Variants in CFAP44 observed in about 807,000 individuals in gnomAD.
CFAP44 encodes cilia and flagella associated protein 44.
A neutral mutation model predicts 216.2 loss-of-function variants in CFAP44; 134 were observed. That is an observed-to-expected ratio of 0.62 (90% confidence interval 0.54 to 0.72). The LOEUF is 0.72. Ranked by LOEUF, CFAP44 falls within the 30% of genes least tolerant of loss-of-function variation. The pLI, the probability that CFAP44 is intolerant of heterozygous loss-of-function variation, is 0.00. For synonymous variants in CFAP44, 700 were observed against 727.6 expected (o/e 0.96, Z 0.61); for missense variants, 2,035 against 2,182.1 (o/e 0.93, Z 1.34).
intron 26 of CFAP44, among the ~76,000 whole-genome samples, 179 bp downstream of exon 26, chr3:113,329,989 G>A (rs1162057344): frequency 6.6e-6 from 1 of 152,086 alleles, no homozygotes; most frequent in Non-Finnish European, 1.5e-5. Flanking sequence ...GAAGAGCACA[G>A]TGATTTCCAG....
intron 29 of CFAP44, among the ~76,000 whole-genome samples, chr3:113,307,539 C>T (rs1949997910): frequency 1.3e-5 from 2 of 152,188 alleles, no homozygotes; most frequent in Admixed American, 6.5e-5. Flanking sequence ...GTTTAATTGA[C>T]TTCTTATATT....
intron 3 of CFAP44, chr3:113,426,880 A>G (rs558970897): frequency 9.6e-6 from 3 of 310,986 alleles, no homozygotes; most frequent in East Asian, 8.9e-5. Context: ...AACAGTCTCC[A>G]AGGGGAACTC....
In CFAP44 at chr3:113,426,287, T is replaced by A; in HGVS notation, c.254-10A>T. On this transcript the variant is annotated splice_polypyrimidine_tract_variant and intron_variant, in intron 3 of 34. Transcript: ENST00000393845. Reference sequence around the variant, plus strand: ...GGGGTTTGCTGAGGTACTAAAAAAATAAAATAATTTAAGAAGAGTGATATG... The same window carrying A: ...GGGGTTTGCTGAGGTACTAAAAAAAAAAAATAATTTAAGAAGAGTGATATG... 6.2e-7 allele frequency: 1 copy of A among 1,611,278 alleles called. No homozygotes were observed. Among genetic ancestry groups the A allele is most frequent in the East Asian group, 2.2e-5 (1 of 44,864 alleles).
intron 6 of CFAP44, among the ~76,000 whole-genome samples, chr3:113,411,866 T>C (rs1352533890): frequency 6.6e-6 from 1 of 152,056 alleles, no homozygotes; most frequent in Non-Finnish European, 1.5e-5. Flanking sequence ...ACATCCCTTG[T>C]AAGTTGGATT....
chr3:113,408,231 C>CA (rs1307187486), intron 7 of CFAP44, among the ~76,000 whole-genome samples: 1 of 152,106 alleles, frequency 6.6e-6, no homozygotes, highest in Non-Finnish European at 1.5e-5. Flanking sequence ...TACGCAAATG[C>CA]ATGAGACAAA....
intron 6 of CFAP44, among the ~76,000 whole-genome samples, chr3:113,416,187 T>TG (rs895217046): frequency 1.4e-4 from 16 of 112,192 alleles, no homozygotes; most frequent in Admixed American, 3.2e-4. Flanking sequence ...GGTGTTTTTT[T>TG]GTTTTTTTTT....
At chr3:113,318,661 T>TA (rs1950111465) in intron 28 of CFAP44, among the ~76,000 whole-genome samples, 1 of 152,078 alleles carries the variant, frequency 6.6e-6, no homozygotes, top group Non-Finnish European at 1.5e-5. Context: ...AAAAAAATCT[T>TA]AAAGGCAGCT....
At chr3:113,408,930 T>C (rs1334229193) in intron 7 of CFAP44, among the ~76,000 whole-genome samples, 176 bp downstream of exon 7, 1 of 142,090 alleles carries the variant, frequency 7.0e-6, no homozygotes, top group Non-Finnish European at 1.5e-5. Flanking sequence ...CCCACATATC[T>C]AATTAGAAAA....
chr3:113,351,383 G>C (rs1394789660), intron 22 of CFAP44, among the ~76,000 whole-genome samples: 1 of 152,112 alleles, frequency 6.6e-6, no homozygotes, highest in African/African-American at 2.4e-5. Flanking sequence ...CTAATTATAG[G>C]GTTAGGAATG....
chr3:113,361,231 CGTAT>C (rs1168576471), intron 21 of CFAP44: 1 of 213,720 alleles, frequency 4.7e-6, no homozygotes, highest in Admixed American at 4.2e-5. Flanking sequence ...AGATAAACCG[CGTAT>C]GTAATTTCAT....
At chr3:113,308,383 A>G in intron 28 of CFAP44, 115 bp from the exon 29 acceptor site, 2 of 792,584 alleles carry the variant, frequency 2.5e-6, no homozygotes, top group Non-Finnish European at 3.8e-6. Flanking sequence ...AACTCAATAT[A>G]AGAGTTTAAA....
At chr3:113,292,075 G>C (rs959356228) in intron 34 of CFAP44, among the ~76,000 whole-genome samples, 7 of 152,024 alleles carry the variant, frequency 4.6e-5, no homozygotes, top group Non-Finnish European at 1.0e-4. Flanking sequence ...GCCCATATTT[G>C]GGTTCCCAGA....
Position 113,286,943 on chromosome 3 carries a change from G to A in CFAP44, c.*4614C>T. 3 of 1,307,730 alleles carry A rather than the reference G, an allele frequency of 2.3e-6. No individual in the cohort carries two copies. The highest frequency in any genetic ancestry group is 3.1e-6 in the Non-Finnish European group (3 of 963,272). 81.0% of individuals were successfully genotyped at this position (1,307,730 alleles called of 1,614,324 possible). On this transcript the variant is annotated 3_prime_UTR_variant, in exon 35 of 35. Transcript: ENST00000393845. The stretch of plus-strand genomic sequence containing the variant: ...GAAGAAAAAAGAGACAGAGAAAATT[G>A]GTATTTATTTTTCTATTATAGCCAT...
chr3:113,338,252 T>C (rs1342443582), intron 24 of CFAP44, among the ~76,000 whole-genome samples: 1 of 54,632 alleles, frequency 1.8e-5, no homozygotes, highest in Admixed American at 3.1e-4. Flanking sequence ...CGAGACAATG[T>C]CTCAAAAAAA....
In CFAP44 at chr3:113,344,656, T is replaced by C. The variant is rs1430826982; in HGVS notation, c.3122A>G (p.His1041Arg). Residue 1041 changes from histidine (H) to arginine (R), a missense_variant, in exon 23 of 35, where the codon CAC (histidine) becomes CGC (arginine). This residue lies in a region of CFAP44 where 1,883 missense variants were observed against 2,023.7 expected (regional missense o/e 0.93). Transcript: ENST00000393845. Reference sequence around the variant, plus strand: ...CACCAGCCTGTAAGAGGATATCTTGTGGTCACTCAGTATGGCATGAACCAC... The same window carrying C: ...CACCAGCCTGTAAGAGGATATCTTGCGGTCACTCAGTATGGCATGAACCAC... Reference protein sequence around the residue: ...TIVVHAILSDHKISSYRLVQP... With the variant: ...TIVVHAILSDRKISSYRLVQP... 2 of 1,536,790 alleles carry C rather than the reference T, an allele frequency of 1.3e-6. No homozygotes were observed.
Position 113,344,577 on chromosome 3 carries a change from T to C in CFAP44, c.3201A>G (p.Pro1067=). The C allele has an allele frequency of 2.0e-6, 3 of 1,537,166 alleles. No individual in the cohort carries two copies. The highest frequency in any genetic ancestry group is 2.6e-6 in the Non-Finnish European group (3 of 1,146,852). ...CTTTTTCAAACCTGTCCAATTTGCTTGGTTTTCTCTCTGATTGACTAGCTC... is the reference window on the plus strand; with the variant it reads ...CTTTTTCAAACCTGTCCAATTTGCTCGGTTTTCTCTCTGATTGACTAGCTC... ...FKRASQSERK[P]SKLDRFEKEG... The change falls in exon 23 of 35, where the codon CCA becomes CCG. Residue 1067 remains proline, a synonymous_variant. Transcript: ENST00000393845.
chr3:113,378,325 T>C (rs1484515317), intron 17 of CFAP44, among the ~76,000 whole-genome samples: 1 of 152,230 alleles, frequency 6.6e-6, no homozygotes, highest in Non-Finnish European at 1.5e-5. Context: ...ACAATTGTTT[T>C]ATAAAACACA....
At chr3:113,308,403 G>T in intron 28 of CFAP44, 135 bp from the exon 29 acceptor site, 2 of 706,128 alleles carry the variant, frequency 2.8e-6, no homozygotes, top group East Asian at 2.8e-5. Flanking sequence ...AATGGTTAAG[G>T]ACACAAAGAA....
Position 113,344,666 on chromosome 3 carries a change from G to T in CFAP44, c.3112C>A (p.Leu1038Met). Residue 1038 changes from leucine (L) to methionine (M), a missense_variant, in exon 23 of 35, where the codon CTG becomes ATG. Around this residue, in one of 3 missense-constraint regions of CFAP44, gnomAD observed 1,883 missense variants for 2,023.7 expected, o/e 0.93. Transcript: ENST00000393845. Reference sequence around the variant, plus strand: ...TAAGAGGATATCTTGTGGTCACTCAGTATGGCATGAACCACAATAGTATCA... The same window carrying T: ...TAAGAGGATATCTTGTGGTCACTCATTATGGCATGAACCACAATAGTATCA... ...ESDTIVVHAILSDHKISSYRL... is the reference protein window; with the variant it reads ...ESDTIVVHAIMSDHKISSYRL... The T allele has an allele frequency of 6.5e-7, 1 of 1,535,154 alleles. No homozygotes were observed. The highest frequency in any genetic ancestry group is 8.7e-7 in the Non-Finnish European group (1 of 1,146,382).
Sources: gnomAD v4.1 joint callset for allele counts (sites outside exome capture counted in the v4.1 genomes callset) on GRCh38, gnomAD v4.1.1 for gene constraint, gnomAD v4.1.1 regional missense constraint, MANE v1.5 for transcripts, NCBI Gene and HGNC (gene_info 2026-07-23, HGNC 2026-07-21) for gene names.